The following NT5DC1 variants were observed in gnomAD, a reference collection of about 807,000 sequenced individuals.
The protein encoded by NT5DC1 is 5'-nucleotidase domain-containing protein 1.
A neutral mutation model predicts 59.4 loss-of-function variants in NT5DC1; 42 were observed. The ratio of observed to expected loss-of-function variants is 0.71; its 90% CI spans 0.55 to 0.92. The LOEUF is 0.92. Among genes scored for constraint, NT5DC1 ranks in the 40% least tolerant of loss-of-function variants. The pLI is 0.00. For synonymous variants in NT5DC1, 172 were observed against 188.1 expected, an observed-to-expected ratio of 0.91 and a Z score of 0.70; for missense variants, 501 against 537.1, an observed-to-expected ratio of 0.93 and a Z score of 0.66.
chr6:116,187,917 A>G (rs551976915), intron 6 of NT5DC1, among the ~76,000 whole-genome samples: 106 of 152,186 alleles, frequency 7.0e-4, no homozygotes, highest in African/African-American at 2.5e-3. Context: ...ACGAAAGGGC[A>G]AGTTATAGAA....
intron 7 of NT5DC1, 58 bp downstream of exon 7, chr6:116,221,286 C>A: frequency 2.0e-6 from 2 of 989,880 alleles, no homozygotes; most frequent in Non-Finnish European, 3.1e-6. Flanking sequence ...GCAAATTAGA[C>A]CAGGGCTTTT....
chr6:116,137,534 C>T (rs1208930260), intron 6 of NT5DC1: 1 of 212,848 alleles, frequency 4.7e-6, no homozygotes, highest in Non-Finnish European at 1.0e-5. Flanking sequence ...TCACAGTCTC[C>T]TCAAACATTA....
At chr6:116,195,911 G>A (rs928523448) in intron 6 of NT5DC1, among the ~76,000 whole-genome samples, 10 of 152,034 alleles carry the variant, frequency 6.6e-5, no homozygotes, top group African/African-American at 2.4e-4. Context: ...AAAGGGGGAA[G>A]GTGGAGATGG....
chr6:116,103,423 C>T (rs1188717330), intron 1 of NT5DC1, among the ~76,000 whole-genome samples: 2 of 151,872 alleles, frequency 1.3e-5, no homozygotes, highest in Admixed American at 6.6e-5. Context: ...CGAGGTAGTC[C>T]GGCTGTGGAT....
chr6:116,178,062 T>C (rs995834727), intron 6 of NT5DC1, among the ~76,000 whole-genome samples: 9 of 101,124 alleles, frequency 8.9e-5, no homozygotes, highest in African/African-American at 4.0e-4. Flanking sequence ...AGTGTGTGTG[T>C]GTGTGTGTGT....
At chr6:116,115,801 A>G (rs760047589) in intron 5 of NT5DC1, 31 bp downstream of exon 5, 3 of 1,075,228 alleles carry the variant, frequency 2.8e-6, no homozygotes, top group South Asian at 1.3e-5. Context: ...TAAAACTATG[A>G]TATGTAGTCA....
At chr6:116,113,251 GATA>G (rs1184669578) in intron 4 of NT5DC1, among the ~76,000 whole-genome samples, 1 of 152,202 alleles carries the variant, frequency 6.6e-6, no homozygotes. Context: ...TTTGAGTGGA[GATA>G]ATACCACCTT....
At chr6:116,123,233 G>T (rs1393420975) in intron 6 of NT5DC1, among the ~76,000 whole-genome samples, 2 of 152,124 alleles carry the variant, frequency 1.3e-5, no homozygotes, top group Non-Finnish European at 2.9e-5. Context: ...TGAGTGCATT[G>T]GGCGTCATCC....
intron 1 of NT5DC1, 126 bp downstream of exon 1, chr6:116,101,149 A>C (rs369359313): frequency 6.1e-6 from 4 of 659,972 alleles, no homozygotes; most frequent in East Asian, 3.3e-5. Context: ...CTTGCCGCAG[A>C]GCGCGGCCTC....
At chr6:116,181,049 A>G (rs1407907360) in intron 6 of NT5DC1, among the ~76,000 whole-genome samples, 4 of 151,604 alleles carry the variant, frequency 2.6e-5, no homozygotes, top group Non-Finnish European at 4.4e-5. Context: ...GGATGAAATC[A>G]TATGGTATCT....
At chr6:116,135,863 A>ATGTGTATATATATATATATGTATG (rs1562132679) in intron 6 of NT5DC1, among the ~76,000 whole-genome samples, 1 of 124,916 alleles carries the variant, frequency 8.0e-6, no homozygotes, top group African/African-American at 3.2e-5. Flanking sequence ...ATATATATAT[A>ATGTGTATATATATATATATGTATG]TATATATATA....
intron 6 of NT5DC1, among the ~76,000 whole-genome samples, chr6:116,146,746 G>T (rs1013156895): frequency 4.6e-5 from 7 of 151,880 alleles, no homozygotes; most frequent in Admixed American, 4.6e-4. Flanking sequence ...AGAAAGTTCA[G>T]AAATAGACCC....
intron 6 of NT5DC1, among the ~76,000 whole-genome samples, chr6:116,128,312 A>G (rs1053327853): frequency 2.6e-5 from 4 of 152,166 alleles, no homozygotes; most frequent in Admixed American, 1.3e-4. Context: ...TCCAAAACAG[A>G]TTGTAGAATC....
intron 6 of NT5DC1, among the ~76,000 whole-genome samples, chr6:116,155,823 GT>G (rs1383111967): frequency 6.1e-5 from 9 of 147,040 alleles, no homozygotes; most frequent in Admixed American, 6.1e-4. Context: ...CAGGGTATAT[GT>G]TTTTTAAAGA....
At chr6:116,220,849 T>G (rs1196067637) in intron 6 of NT5DC1, among the ~76,000 whole-genome samples, 1 of 152,268 alleles carries the variant, frequency 6.6e-6, no homozygotes, top group Non-Finnish European at 1.5e-5. Flanking sequence ...TATTATCAAC[T>G]AACATTTTCA....
At chr6:116,189,169 TA>T (rs1247546462) in intron 6 of NT5DC1, among the ~76,000 whole-genome samples, 1 of 151,930 alleles carries the variant, frequency 6.6e-6, no homozygotes, top group African/African-American at 2.4e-5. Flanking sequence ...TTCTTTTTTT[TA>T]GTTGACCACT....
At chr6:116,101,989 T>G (rs2114893641) in intron 1 of NT5DC1, among the ~76,000 whole-genome samples, 1 of 152,364 alleles carries the variant, frequency 6.6e-6, no homozygotes, top group East Asian at 1.9e-4. Flanking sequence ...CTGTGCTGCT[T>G]CTCAGTTTCC....
intron 9 of NT5DC1, chr6:116,237,742 C>T (rs1315271793): frequency 3.4e-6 from 1 of 293,802 alleles, no homozygotes; most frequent in Non-Finnish European, 6.8e-6. Context: ...GATTCTGTTT[C>T]AACCAGTCTG....
Position 116,120,910 on chromosome 6 carries a change from G to A in NT5DC1, c.529+2965G>A, listed in dbSNP as rs574310746. The A allele has an allele frequency of 3.1e-6, 5 of 1,613,942 alleles. No homozygotes were observed. The East Asian group carries it at 8.9e-5, about 29-fold the overall frequency. On this transcript the variant is annotated intron_variant, in intron 6 of 11. Coordinates refer to ENST00000319550, the MANE Select transcript of NT5DC1 (RefSeq NM_152729.3). ...CACCTTTTGGACCTGGTAACCCTGG[G>A]TTACCCTTAGGACCATCGAGACCTG...
Sources: allele counts gnomAD v4.1 joint callset (sites outside exome capture counted in the v4.1 genomes callset), GRCh38; gene constraint gnomAD v4.1.1; transcripts MANE v1.5; gene names NCBI Gene and HGNC (gene_info 2026-07-23, HGNC 2026-07-21).